MARCHF1: variants seen among roughly 807,000 people sequenced by gnomAD.
MARCHF1 encodes the protein E3 ubiquitin-protein ligase MARCHF1.
Under a neutral mutation model 54.2 loss-of-function variants are expected in MARCHF1, and 40 were observed. The ratio of observed to expected loss-of-function variants is 0.74; its 90% CI spans 0.57 to 0.96. The LOEUF (loss-of-function observed/expected upper bound fraction) is 0.96, where lower values mean the gene tolerates loss of function less well. Ranked by LOEUF, MARCHF1 falls within the 40% of genes least tolerant of loss-of-function variation. The pLI, the probability that MARCHF1 is intolerant of heterozygous loss-of-function variation, is 0.00. For missense variants in MARCHF1, 586 were observed against 656.5 expected, an observed-to-expected ratio of 0.89 and a Z score of 1.17; for synonymous variants, 236 against 236.3, an observed-to-expected ratio of 1.00 and a Z score of 0.01.
chr4:163,529,319 CATAATT>C (rs1164753236), intron 9 of MARCHF1, among the ~76,000 whole-genome samples: 3 of 152,130 alleles, frequency 2.0e-5, no homozygotes, highest in Admixed American at 6.6e-5. Context: ...AAGTACCTAT[CATAATT>C]ATGAGATATT....
chr4:164,034,248 A>G (rs1753947442), intron 2 of MARCHF1, among the ~76,000 whole-genome samples: 1 of 152,092 alleles, frequency 6.6e-6, no homozygotes, highest in South Asian at 2.1e-4. Flanking sequence ...ACCAAACACC[A>G]CATGTTCTCA....
At chr4:164,312,045 T>C (rs746424237) in intron 1 of MARCHF1, among the ~76,000 whole-genome samples, 1 of 152,172 alleles carries the variant, frequency 6.6e-6, no homozygotes, top group Non-Finnish European at 1.5e-5. Flanking sequence ...AAAAGTCCAT[T>C]TTTATATGTG....
At chr4:164,145,367 C>CA (rs1361238037) in intron 1 of MARCHF1, among the ~76,000 whole-genome samples, 2 of 151,530 alleles carry the variant, frequency 1.3e-5, no homozygotes, top group African/African-American at 4.8e-5. Context: ...GAGACACAAC[C>CA]AAAAAAGAGA....
intron 1 of MARCHF1, among the ~76,000 whole-genome samples, chr4:164,313,268 G>T (rs1181700779): frequency 6.7e-6 from 1 of 148,852 alleles, no homozygotes; most frequent in Non-Finnish European, 1.5e-5. Context: ...AGAATGGCGT[G>T]AACCTGGGAG....
At chr4:163,557,150 G>A (rs1298513405) in intron 8 of MARCHF1, among the ~76,000 whole-genome samples, 2 of 152,064 alleles carry the variant, frequency 1.3e-5, no homozygotes, top group African/African-American at 4.8e-5. Flanking sequence ...CAGGGACTCG[G>A]TATGTTTGGA....
chr4:163,840,794 A>G (rs1349193965), intron 4 of MARCHF1, among the ~76,000 whole-genome samples: 1 of 152,066 alleles, frequency 6.6e-6, no homozygotes, highest in Non-Finnish European at 1.5e-5. Flanking sequence ...CAACACAGAG[A>G]TACATACTCA....
chr4:164,369,514 A>G (rs1389374250), intron 1 of MARCHF1, among the ~76,000 whole-genome samples: 2 of 152,158 alleles, frequency 1.3e-5, no homozygotes, highest in African/African-American at 2.4e-5. Context: ...AATAACTGCC[A>G]ACTGCATGCT....
intron 2 of MARCHF1, among the ~76,000 whole-genome samples, chr4:164,021,259 A>G (rs1476371069): frequency 6.6e-6 from 1 of 152,060 alleles, no homozygotes; most frequent in African/African-American, 2.4e-5. Flanking sequence ...TACTTTCCTC[A>G]TCAAATGAAA....
At chr4:163,624,347 C>T (rs1375282614) in intron 5 of MARCHF1, among the ~76,000 whole-genome samples, 11 of 152,174 alleles carry the variant, frequency 7.2e-5, no homozygotes, top group Admixed American at 1.3e-4. Context: ...TTCCTTCAAG[C>T]GGTCAATTCT....
chr4:163,986,682 T>A (rs1321718477), intron 3 of MARCHF1, among the ~76,000 whole-genome samples: 1 of 152,216 alleles, frequency 6.6e-6, no homozygotes, highest in Non-Finnish European at 1.5e-5. Flanking sequence ...TTTGTGAAGA[T>A]GTTTAAAGAT....
intron 1 of MARCHF1, among the ~76,000 whole-genome samples, chr4:164,228,362 G>T (rs1451587373): frequency 2.6e-5 from 4 of 152,148 alleles, no homozygotes; most frequent in African/African-American, 9.7e-5. Flanking sequence ...CACATGAGTT[G>T]ACCTAATTGA....
chr4:164,232,860 C>G (rs947948361), intron 1 of MARCHF1, among the ~76,000 whole-genome samples: 1 of 152,138 alleles, frequency 6.6e-6, no homozygotes, highest in Non-Finnish European at 1.5e-5. Context: ...AAATGCCACA[C>G]ACAGAAACCT....
At chr4:164,309,567 T>C (rs1222708016) in intron 1 of MARCHF1, among the ~76,000 whole-genome samples, 1 of 152,194 alleles carries the variant, frequency 6.6e-6, no homozygotes, top group African/African-American at 2.4e-5. Context: ...CATCATGATT[T>C]TTATTAATCA....
intron 4 of MARCHF1, among the ~76,000 whole-genome samples, chr4:163,813,474 C>T (rs919415869): frequency 6.6e-6 from 1 of 152,126 alleles, no homozygotes; most frequent in African/African-American, 2.4e-5. Flanking sequence ...GGTAACACAA[C>T]CAGAATGCTA....
intron 1 of MARCHF1, among the ~76,000 whole-genome samples, chr4:164,315,632 C>T (rs555904105): frequency 2.0e-5 from 3 of 152,068 alleles, no homozygotes; most frequent in Admixed American, 6.6e-5. Context: ...TTTAGCTGCC[C>T]CAGGCCAGCT....
At chr4:164,230,750 T>C (rs1167045571) in intron 1 of MARCHF1, among the ~76,000 whole-genome samples, 1 of 152,074 alleles carries the variant, frequency 6.6e-6, no homozygotes, top group African/African-American at 2.4e-5. Context: ...CACTCCTGAG[T>C]TGTTTTGAGT....
intron 9 of MARCHF1, chr4:163,529,975 C>G (rs1268244591): frequency 6.6e-6 from 1 of 151,848 alleles, no homozygotes; most frequent in African/African-American, 2.4e-5. Flanking sequence ...TGGCTCAATA[C>G]AGTGCACCAG....
chr4:163,639,642 T>A (rs13150038), intron 5 of MARCHF1, among the ~76,000 whole-genome samples: 49,034 of 152,020 alleles, frequency 0.32, 8,625 homozygotes, highest in Non-Finnish European at 0.4. Context: ...CTTCCCCACC[T>A]CCTCTTTCTA....
intron 5 of MARCHF1, among the ~76,000 whole-genome samples, chr4:163,691,256 T>C (rs571033402): frequency 1.1e-3 from 172 of 152,264 alleles, no homozygotes; most frequent in Non-Finnish European, 2.0e-3. Flanking sequence ...TGCCACACCA[T>C]TTTTTGCTAT....
Sources: gnomAD v4.1 joint callset for allele counts (sites outside exome capture counted in the v4.1 genomes callset) on GRCh38, gnomAD v4.1.1 for gene constraint, MANE v1.5 for transcripts, NCBI Gene and HGNC (gene_info 2026-07-23, HGNC 2026-07-21) for gene names.